PTPN22: variants seen among roughly 807,000 people sequenced by gnomAD.
The protein encoded by PTPN22 is tyrosine-protein phosphatase non-receptor type 22.
Under a neutral mutation model 103.3 loss-of-function variants are expected in PTPN22, and 85 were observed. The observed-to-expected ratio is 0.82, with a 90% CI of 0.69 to 0.99. The LOEUF (loss-of-function observed/expected upper bound fraction) is 0.99. Among genes scored for constraint, PTPN22 ranks in the 50% least tolerant of loss-of-function variants. The pLI, the probability that PTPN22 is intolerant of heterozygous loss-of-function variation, is 0.00. For missense variants in PTPN22, 865 were observed against 936.9 expected (o/e 0.92, Z 1.00); for synonymous variants, 323 against 310.2 (o/e 1.04, Z -0.43).
chr1:113,826,589 C>A (rs868645366), intron 18 of PTPN22, among the ~76,000 whole-genome samples: 1 of 149,872 alleles, frequency 6.7e-6, no homozygotes, highest in East Asian at 2.0e-4. Context: ...ATTCTGTATT[C>A]AATTTACTAA....
intron 1 of PTPN22, among the ~76,000 whole-genome samples, chr1:113,861,363 C>T (rs1398562488): frequency 1.3e-5 from 2 of 152,130 alleles, no homozygotes. Flanking sequence ...GCCTCAGCTT[C>T]CAAAGTAGCT....
Position 113,838,766 on chromosome 1 carries a change from T to C in PTPN22, c.916-146A>G, listed in dbSNP as rs113492179. On this transcript the variant is annotated intron_variant, in intron 11 of 20. Transcript: ENST00000359785. The stretch of plus-strand genomic sequence containing the variant: ...AAGAGTTAGATTAGCTTCCAAAATA[T>C]TGAACTCAGCAAGAACTCGTTCATA... The C allele has an allele frequency of 7.4e-4, 963 of 1,300,340 alleles. 3 individuals are homozygous for C. Among genetic ancestry groups the C allele is most frequent in the South Asian group, 4.5e-3 (255 of 57,110 alleles). 80.6% of individuals were successfully genotyped at this position (1,300,340 alleles called of 1,614,324 possible).
intron 1 of PTPN22, among the ~76,000 whole-genome samples, chr1:113,861,350 C>A (rs1665575756): frequency 6.6e-6 from 1 of 152,172 alleles, no homozygotes; most frequent in Non-Finnish European, 1.5e-5. Context: ...AAGCAATTCT[C>A]ATGCCTCAGC....
At chr1:113,816,672 GCTGAGGTGAGTGGATCAC>G (rs1258280089) in intron 20 of PTPN22, among the ~76,000 whole-genome samples, 1 of 152,112 alleles carries the variant, frequency 6.6e-6, no homozygotes, top group Non-Finnish European at 1.5e-5. Flanking sequence ...ACTTTGGGAG[GCTGAGGTGAGTGGATCAC>G]CTGAGGTCAG....
chr1:113,838,402 G>T, exon 13 of PTPN22: 1 of 1,586,720 alleles, frequency 6.3e-7, no homozygotes, highest in Non-Finnish European at 8.6e-7. Context: ...TGCTGCTTTT[G>T]TGGTACTAAA....
At chr1:113,871,433 T>A in intron 1 of PTPN22, 104 bp downstream of exon 1, 1 of 883,826 alleles carries the variant, frequency 1.1e-6, no homozygotes, top group Non-Finnish European at 1.8e-6. Context: ...CAAGGTCTCA[T>A]ATTTACTTTA....
chr1:113,856,565 G>T, exon 6 of PTPN22: 1 of 1,614,122 alleles, frequency 6.2e-7, no homozygotes, highest in Non-Finnish European at 8.5e-7. Flanking sequence ...ACAGAGAAAG[G>T]GCCAAATTCC....
chr1:113,829,125 C>T (rs1462762401), intron 18 of PTPN22: 1 of 151,966 alleles, frequency 6.6e-6, no homozygotes, highest in Non-Finnish European at 1.5e-5. Flanking sequence ...CCCATGTGAA[C>T]TTTGAATTCA....
chr1:113,830,875 G>A (rs1192724524), intron 16 of PTPN22, among the ~76,000 whole-genome samples: 2 of 152,064 alleles, frequency 1.3e-5, no homozygotes, highest in Admixed American at 6.5e-5. Flanking sequence ...AGTACAAGAG[G>A]TTCACATGTC....
chr1:113,862,493 G>C (rs929231684), intron 1 of PTPN22, among the ~76,000 whole-genome samples: 2 of 152,046 alleles, frequency 1.3e-5, no homozygotes, highest in African/African-American at 4.8e-5. Flanking sequence ...AGTATAACAA[G>C]GAGTATTAGA....
chr1:113,824,227 G>A (rs1382778573), intron 19 of PTPN22, among the ~76,000 whole-genome samples: 5 of 151,658 alleles, frequency 3.3e-5, no homozygotes, highest in East Asian at 3.9e-4. Flanking sequence ...CCAGCCTTCC[G>A]AGTAGCTGGG....
chr1:113,839,661 G>A lies in PTPN22; in HGVS notation c.916-1041C>T, dbSNP rs767769329. On this transcript the variant is annotated intron_variant, in intron 11 of 20. Transcript: ENST00000359785. ...ACATCTCAGTTGATGCAGAAAAAGC[G>A]TTTGACAAAATTCATGTTAAAATCA... 9.2e-5 allele frequency among the ~76,000 whole-genome samples: 14 copies of A among 152,078 alleles called. No individual in the cohort carries two copies. The East Asian group carries it at 9.6e-4, about 10-fold the overall frequency.
chr1:113,816,831 C>T (rs769773892), intron 20 of PTPN22, among the ~76,000 whole-genome samples: 5 of 152,104 alleles, frequency 3.3e-5, no homozygotes, highest in Non-Finnish European at 7.4e-5. Flanking sequence ...ATCGCTTGAA[C>T]CCAGGAGGCT....
intron 10 of PTPN22, 68 bp from the exon 11 acceptor site, chr1:113,848,694 AT>A: frequency 7.0e-7 from 1 of 1,424,742 alleles, no homozygotes. Context: ...ACAGGACCAG[AT>A]TTTAGGAATA....
At chr1:113,843,108 A>G (rs978778694) in intron 11 of PTPN22, among the ~76,000 whole-genome samples, 1 of 146,088 alleles carries the variant, frequency 6.8e-6, no homozygotes. Flanking sequence ...TCAAAAAAAA[A>G]AAAAAAGAAA....
intron 15 of PTPN22, among the ~76,000 whole-genome samples, chr1:113,833,402 C>T (rs991770724): frequency 6.6e-6 from 1 of 152,094 alleles, no homozygotes; most frequent in Non-Finnish European, 1.5e-5. Flanking sequence ...GAAACATTTC[C>T]CTGAAAATTT....
intron 11 of PTPN22, among the ~76,000 whole-genome samples, chr1:113,843,140 T>C (rs753239743): frequency 6.9e-6 from 1 of 145,618 alleles, no homozygotes; most frequent in Non-Finnish European, 1.5e-5. Context: ...AATTACCACA[T>C]GTAATTCCAC....
At chr1:113,860,415 A>G (rs765533865) in intron 1 of PTPN22, among the ~76,000 whole-genome samples, 4 of 152,330 alleles carry the variant, frequency 2.6e-5, no homozygotes, top group South Asian at 2.1e-4. Flanking sequence ...TCAGGCATCT[A>G]CTATAGGTCT....
intron 16 of PTPN22, 91 bp from the exon 17 acceptor site, chr1:113,830,120 C>T (rs1208994900): frequency 1.1e-6 from 1 of 907,914 alleles, no homozygotes; most frequent in Non-Finnish European, 1.7e-6. Flanking sequence ...ATTTTTTAAT[C>T]AATCAATCTT....
Sources: gnomAD v4.1 joint callset for allele counts (sites outside exome capture counted in the v4.1 genomes callset) on GRCh38, gnomAD v4.1.1 for gene constraint, MANE v1.5 for transcripts, NCBI Gene and HGNC (gene_info 2026-07-23, HGNC 2026-07-21) for gene names.